The following GRIN2B variants were observed in gnomAD, a reference collection of about 807,000 sequenced individuals.
The protein encoded by GRIN2B is glutamate ionotropic receptor NMDA type subunit 2B.
In GRIN2B, 5 loss-of-function variants were observed where a neutral mutation model predicts 114.5. That is an observed-to-expected ratio of 0.04 (90% CI 0.02 to 0.09). The LOEUF (loss-of-function observed/expected upper bound fraction) is 0.09, where lower values mean the gene tolerates loss of function less well. Ranked by LOEUF, GRIN2B falls within the 10% of genes least tolerant of loss-of-function variation. The probability of loss-of-function intolerance (pLI) is 1.00; values close to 1 mark genes in which losing one functional copy is unlikely to be tolerated. For synonymous variants in GRIN2B, 787 were observed against 745.1 expected (o/e 1.06, Z -0.92); for missense variants, 1,108 against 1,943.5 (o/e 0.57, Z 8.08).
At chr12:13,791,400 C>T (rs1241585598) in intron 3 of GRIN2B, among the ~76,000 whole-genome samples, 3 of 148,190 alleles carry the variant, frequency 2.0e-5, no homozygotes, top group East Asian at 2.0e-4. Context: ...TGCAGTGAGC[C>T]GAGATTGCGC....
intron 2 of GRIN2B, among the ~76,000 whole-genome samples, chr12:13,870,231 TC>T (rs1265379373): frequency 6.6e-6 from 1 of 152,150 alleles, no homozygotes; most frequent in Non-Finnish European, 1.5e-5. Context: ...GTAGATGAAT[TC>T]AATAATCACT....
At chr12:13,583,069 C>T (rs1948873672) in intron 10 of GRIN2B, among the ~76,000 whole-genome samples, 1 of 152,150 alleles carries the variant, frequency 6.6e-6, no homozygotes, top group East Asian at 1.9e-4. Flanking sequence ...TTTAACATAT[C>T]ATAACCTGCA....
At chr12:13,889,113 T>A (rs991455819) in intron 2 of GRIN2B, among the ~76,000 whole-genome samples, 1 of 152,232 alleles carries the variant, frequency 6.6e-6, no homozygotes, top group African/African-American at 2.4e-5. Context: ...TTAAAAATTA[T>A]TTGTTTTGGC....
intron 2 of GRIN2B, among the ~76,000 whole-genome samples, chr12:13,946,408 G>T (rs1867363216): frequency 6.6e-6 from 1 of 151,626 alleles, no homozygotes; most frequent in East Asian, 1.9e-4. Flanking sequence ...TTATACATTT[G>T]ATATCATTCC....
At chr12:13,942,524 G>A (rs974613111) in intron 2 of GRIN2B, among the ~76,000 whole-genome samples, 5 of 152,120 alleles carry the variant, frequency 3.3e-5, no homozygotes, top group Non-Finnish European at 4.4e-5. Context: ...ATTATTTCAC[G>A]ACTTTTAGTT....
Position 13,558,095 on chromosome 12 carries a change from C to A in GRIN2B, c.*4688G>T, listed in dbSNP as rs1948496066. On this transcript the variant is annotated 3_prime_UTR_variant, in exon 14 of 14. Transcript: ENST00000609686. ...TCAGCTGCTTCTCCTCCATGAAGAG[C>A]TCCTTAAACAGGAGGAAAAGTCTCT... The A allele has an allele frequency of 6.6e-6, 1 of 152,204 alleles. No individual in the cohort carries two copies. The highest frequency in any genetic ancestry group is 1.5e-5 in the Non-Finnish European group (1 of 68,066). 9.4% of individuals were successfully genotyped at this position (152,204 alleles called of 1,614,324 possible). A position where few individuals can be genotyped will look rare whatever the true frequency, so the allele number is the denominator to read the frequency against.
rs1948527339 is a variant in GRIN2B, at chr12:13,560,494, G to T, written c.*2289C>A. 1 of 152,242 alleles carries T rather than the reference G, an allele frequency of 6.6e-6. No homozygotes were observed. The highest frequency in any genetic ancestry group is 1.5e-5 in the Non-Finnish European group (1 of 68,078). 9.4% of individuals were successfully genotyped at this position (152,242 alleles called of 1,614,324 possible). ...TTCTAGATTGCTGTTCGCTAGGTTA[G>T]TTGGTTTGGTTTTTTTGTTTGAAAG... On this transcript the variant is annotated 3_prime_UTR_variant, in exon 14 of 14. Coordinates refer to ENST00000609686, the MANE Select transcript of GRIN2B (RefSeq NM_000834.5).
rs1043255768 is a variant in GRIN2B at position 13,947,067 on chromosome 12, T to C, written c.-19+32861A>G. Reference sequence around the variant, plus strand: ...AGCAGATGGATTTTAGGAAAGACTATAGTAGGAAACTGATAATCTGAACAT... The same window carrying C: ...AGCAGATGGATTTTAGGAAAGACTACAGTAGGAAACTGATAATCTGAACAT... On this transcript the variant is annotated intron_variant, in intron 2 of 13. Transcript: ENST00000609686. Among the ~76,000 whole-genome samples, 4 of 152,176 alleles carry C rather than the reference T, an allele frequency of 2.6e-5. No individual in the cohort carries two copies. In the South Asian group the frequency reaches 6.2e-4, roughly 24 times the overall value.
At chr12:13,915,800 A>T (rs145588587) in intron 2 of GRIN2B, among the ~76,000 whole-genome samples, 1 of 152,220 alleles carries the variant, frequency 6.6e-6, no homozygotes, top group African/African-American at 2.4e-5. Flanking sequence ...GAAACTTCCA[A>T]GCACCTGGCT....
chr12:13,790,653 C>A (rs1419654854), intron 3 of GRIN2B, among the ~76,000 whole-genome samples: 2 of 152,196 alleles, frequency 1.3e-5, no homozygotes, highest in Non-Finnish European at 2.9e-5. Context: ...AGAATCACTT[C>A]TTTTCTTTCA....
chr12:13,630,636 C>T (rs963525026), intron 5 of GRIN2B, among the ~76,000 whole-genome samples: 1 of 152,150 alleles, frequency 6.6e-6, no homozygotes, highest in African/African-American at 2.4e-5. Context: ...ACTAGACCCA[C>T]AAATTAGGCC....
At position 13,854,668 on chromosome 12, in the gene GRIN2B, A is replaced by G. The variant is rs1865629269; in HGVS notation, c.411+11130T>C. 2.7e-5 allele frequency among the ~76,000 whole-genome samples: 4 copies of G among 148,198 alleles called. No homozygotes were observed. The South Asian group carries it at 8.6e-4, about 32-fold the overall frequency. ...AAGGGAACACTGACACCCTTTCAGC[A>G]TTGTCCCAGGCCTGGAGTGAACTAG... On this transcript the variant is annotated intron_variant, in intron 3 of 13. Coordinates refer to ENST00000609686, the MANE Select transcript of GRIN2B (RefSeq NM_000834.5).
intron 3 of GRIN2B, among the ~76,000 whole-genome samples, chr12:13,824,581 G>A (rs561964798): frequency 2.6e-5 from 4 of 152,136 alleles, no homozygotes; most frequent in East Asian, 1.9e-4. Context: ...TAGGCCAGGC[G>A]CGGTGGCTCA....
intron 3 of GRIN2B, among the ~76,000 whole-genome samples, chr12:13,793,564 A>C (rs913608765): frequency 6.6e-6 from 1 of 152,212 alleles, no homozygotes; most frequent in African/African-American, 2.4e-5. Context: ...TGGCCATGCC[A>C]ATTGTGATTC....
At chr12:13,660,859 T>C (rs1949915327) in intron 5 of GRIN2B, among the ~76,000 whole-genome samples, 1 of 152,196 alleles carries the variant, frequency 6.6e-6, no homozygotes, top group South Asian at 2.1e-4. Flanking sequence ...GCTCTTCTGC[T>C]TTGACAACTT....
At chr12:13,848,251 A>G (rs1245228749) in intron 3 of GRIN2B, among the ~76,000 whole-genome samples, 1 of 152,188 alleles carries the variant, frequency 6.6e-6, no homozygotes, top group Non-Finnish European at 1.5e-5. Context: ...AAGTTAGAAT[A>G]CAAATGCCCC....
intron 10 of GRIN2B, among the ~76,000 whole-genome samples, chr12:13,608,085 C>A (rs1269289601): frequency 1.3e-5 from 2 of 152,184 alleles, no homozygotes; most frequent in East Asian, 3.9e-4. Flanking sequence ...CAGGGGCAAT[C>A]ATCCAAATCA....
intron 5 of GRIN2B, among the ~76,000 whole-genome samples, chr12:13,642,061 C>T (rs1949722618): frequency 2.0e-5 from 3 of 151,988 alleles, no homozygotes; most frequent in Admixed American, 2.0e-4. Context: ...TGGTAGCGCA[C>T]ACCTGTAATT....
At chr12:13,972,295 A>G (rs1018432325) in intron 2 of GRIN2B, among the ~76,000 whole-genome samples, 1 of 152,176 alleles carries the variant, frequency 6.6e-6, no homozygotes. Flanking sequence ...TGGAGTTCAA[A>G]ATCACTGCTT....
Sources: gnomAD v4.1 joint callset for allele counts (sites outside exome capture counted in the v4.1 genomes callset) on GRCh38, gnomAD v4.1.1 for gene constraint, MANE v1.5 for transcripts, NCBI Gene and HGNC (gene_info 2026-07-23, HGNC 2026-07-21) for gene names.